Variants in CDYL observed in about 807,000 individuals in gnomAD.
CDYL encodes chromodomain Y like.
In CDYL, 8 loss-of-function variants were observed where a neutral mutation model predicts 47.3. The observed-to-expected ratio is 0.17, with a 90% CI of 0.10 to 0.31. The LOEUF (loss-of-function observed/expected upper bound fraction) is 0.31, where lower values mean the gene tolerates loss of function less well. Among genes scored for constraint, CDYL ranks in the 10% least tolerant of loss-of-function variants. CDYL has a pLI of 1.00. For synonymous variants in CDYL, 266 were observed against 265.0 expected, an observed-to-expected ratio of 1.00 and a Z score of -0.04; for missense variants, 471 against 701.4, an observed-to-expected ratio of 0.67 and a Z score of 3.71.
chr6:4,919,209 A>G (rs540880762), intron 2 of CDYL, among the ~76,000 whole-genome samples: 1 of 152,266 alleles, frequency 6.6e-6, no homozygotes, highest in Admixed American at 6.5e-5. Context: ...CAGAGGCACA[A>G]GCTTGATGAG....
chr6:4,953,674 C>T (rs1319868018), intron 6 of CDYL, among the ~76,000 whole-genome samples: 1 of 152,194 alleles, frequency 6.6e-6, no homozygotes, highest in Non-Finnish European at 1.5e-5. Context: ...CAGCCCAGCT[C>T]TCCTTTGAAA....
chr6:4,827,510 T>G (rs557161775), intron 1 of CDYL, among the ~76,000 whole-genome samples: 11 of 152,230 alleles, frequency 7.2e-5, no homozygotes, highest in African/African-American at 2.7e-4. Context: ...ACAATTGATG[T>G]TGTTGTTTAA....
At chr6:4,797,561 C>T (rs1759109128) in intron 1 of CDYL, among the ~76,000 whole-genome samples, 1 of 152,072 alleles carries the variant, frequency 6.6e-6, no homozygotes, top group South Asian at 2.1e-4. Flanking sequence ...ACATTTTTAT[C>T]CTTTTGGAAA....
chr6:4,946,606 G>A (rs1326790771), intron 5 of CDYL, among the ~76,000 whole-genome samples: 2 of 152,176 alleles, frequency 1.3e-5, no homozygotes, highest in African/African-American at 2.4e-5. Context: ...CTAGGCTGCC[G>A]GCCCATGCCC....
intron 1 of CDYL, among the ~76,000 whole-genome samples, chr6:4,844,967 T>A (rs1760611695): frequency 6.6e-6 from 1 of 152,220 alleles, no homozygotes; most frequent in South Asian, 2.1e-4. Context: ...TTGCTAAATT[T>A]AGATGCTGTA....
intron 2 of CDYL, among the ~76,000 whole-genome samples, chr6:4,934,623 C>T (rs1758132708): frequency 6.6e-6 from 1 of 152,168 alleles, no homozygotes; most frequent in South Asian, 2.1e-4. Context: ...TTCATCACCA[C>T]ATTGGATCAT....
chr6:4,776,793 G>C lies in CDYL; in HGVS notation c.10G>C (p.Glu4Gln). The C allele has an allele frequency of 3.6e-6, 4 of 1,101,862 alleles. No individual in the cohort carries two copies. The highest frequency in any genetic ancestry group is 4.5e-6 in the Non-Finnish European group (4 of 882,020). The allele number at this position is 1,101,862 out of a possible 1,614,324, so 68.3% of individuals were successfully genotyped here. Residue 4 changes from glutamate (E) to glutamine (Q), a missense_variant, in exon 1 of 7, where the codon GAG becomes CAG. Around this residue, in one of 3 missense-constraint regions of CDYL, gnomAD observed 311 missense variants for 350.0 expected, o/e 0.89. Transcript: ENST00000397588. ...AACTCCGCCGCCCACCATGGCTTCCGAGGAGCTGTACGAGGTACCTCCCCT... is the reference window on the plus strand; with the variant it reads ...AACTCCGCCGCCCACCATGGCTTCCCAGGAGCTGTACGAGGTACCTCCCCT... MAS[E>Q]ELYEVERIVD...
At chr6:4,724,784 C>A (rs939726034) in intron 2 of CDYL, 1 of 152,126 alleles carries the variant, frequency 6.6e-6, no homozygotes, top group Admixed American at 6.5e-5. Context: ...CTACAACTCA[C>A]AAAAGCAGTG....
chr6:4,936,054 C>T (rs972916970), intron 3 of CDYL, among the ~76,000 whole-genome samples: 2 of 152,218 alleles, frequency 1.3e-5, no homozygotes, highest in Admixed American at 1.3e-4. Flanking sequence ...GGTTCACCTC[C>T]TGCCTGGAAG....
At chr6:4,904,716 C>T (rs941825663) in intron 2 of CDYL, among the ~76,000 whole-genome samples, 1 of 152,154 alleles carries the variant, frequency 6.6e-6, no homozygotes, top group African/African-American at 2.4e-5. Flanking sequence ...TCATTTCTGT[C>T]TGCAGTTTAA....
At position 4,738,576 on chromosome 6, in the gene CDYL, A is replaced by G. The variant is rs142988302; in HGVS notation, c.186+3732A>G. ...GGGAAACCAAAGATTCTCATGCACT[A>G]TTAGTGGGAATGCAAATTTATTCAA... On this transcript the variant is annotated intron_variant, in intron 3 of 8. Coordinates refer to the CDYL transcript ENST00000328908. Among the ~76,000 whole-genome samples, 27 of 152,364 alleles carry G rather than the reference A, an allele frequency of 1.8e-4. No individual in the cohort carries two copies. In the East Asian group the frequency reaches 4.0e-3, roughly 23 times the overall value.
chr6:4,943,560 C>T lies in CDYL; in HGVS notation c.1136C>T (p.Thr379Ile), dbSNP rs772936198. The T allele has an allele frequency of 6.2e-7, 1 of 1,604,386 alleles. No individual in the cohort carries two copies. The highest frequency in any genetic ancestry group is 8.5e-7 in the Non-Finnish European group (1 of 1,173,128). ...TTTCATTTTAGAAACTTCGTGAATACTTTCATTCAATTTAAGAAGCCCATT... is the reference window on the plus strand; with the variant it reads ...TTTCATTTTAGAAACTTCGTGAATATTTTCATTCAATTTAAGAAGCCCATT... ...MAEAIRNFVN[T>I]FIQFKKPIIV... Residue 379 changes from threonine to isoleucine, a missense_variant, in exon 5 of 7, where the codon ACT becomes ATT. By Grantham distance (89) the Thr-to-Ile change is moderately conservative. Around this residue, in one of 3 missense-constraint regions of CDYL, gnomAD observed 103 missense variants for 277.1 expected, o/e 0.37. Transcript: ENST00000397588.
At chr6:4,893,337 C>A (rs568974007) in intron 2 of CDYL, among the ~76,000 whole-genome samples, 13 of 152,234 alleles carry the variant, frequency 8.5e-5, no homozygotes, top group Non-Finnish European at 1.8e-4. Context: ...TCCTCTCCAT[C>A]TGCTCAGGGG....
intron 2 of CDYL, chr6:4,724,867 A>AT (rs1757474102): frequency 1.3e-5 from 2 of 152,176 alleles, no homozygotes; most frequent in South Asian, 4.1e-4. Flanking sequence ...ACCGTGGAAA[A>AT]AGACCACAGC....
chr6:4,721,378 GTTGTTTTTCTATTT>G lies in CDYL; in HGVS notation c.103+5506_103+5519del, dbSNP rs1387491193. Among the ~76,000 whole-genome samples the G allele has an allele frequency of 2.6e-5, 4 of 152,004 alleles. No individual in the cohort carries two copies. The East Asian group carries it at 5.8e-4, about 22-fold the overall frequency. ...TTCTGGGGGAGGGGAGGGGAGGGGT[GTTGTTTTTCTATTT>G]TTGTTTTTAAGACAGAGTCTTGCAC... On this transcript the variant is annotated intron_variant, in intron 2 of 8. Transcript: ENST00000328908.
intron 3 of CDYL, among the ~76,000 whole-genome samples, chr6:4,739,821 CG>C (rs1757765079): frequency 6.6e-6 from 1 of 151,808 alleles, no homozygotes; most frequent in East Asian, 2.0e-4. Flanking sequence ...GGCATGGTGG[CG>C]CATGCCTGTA....
At chr6:4,723,629 G>A (rs1258774104) in intron 2 of CDYL, among the ~76,000 whole-genome samples, 1 of 152,150 alleles carries the variant, frequency 6.6e-6, no homozygotes, top group Non-Finnish European at 1.5e-5. Context: ...GACTAGCACT[G>A]TGCCTCCCAC....
chr6:4,908,910 G>A (rs1043336343), intron 2 of CDYL, among the ~76,000 whole-genome samples: 6 of 152,210 alleles, frequency 3.9e-5, no homozygotes, highest in Admixed American at 2.0e-4. Flanking sequence ...GAGAGGCTCC[G>A]TTCTTCGCTG....
chr6:4,804,553 C>G (rs1759316668), intron 1 of CDYL, among the ~76,000 whole-genome samples: 1 of 152,220 alleles, frequency 6.6e-6, no homozygotes, highest in Non-Finnish European at 1.5e-5. Flanking sequence ...TCCTCCCCAT[C>G]AGTAGGAAAC....
Sources: allele counts gnomAD v4.1 joint callset (sites outside exome capture counted in the v4.1 genomes callset), GRCh38; gene constraint gnomAD v4.1.1; regional missense constraint gnomAD v4.1.1; transcripts MANE v1.5; gene names NCBI Gene and HGNC (gene_info 2026-07-23, HGNC 2026-07-21).